The following TRIO variants were observed in gnomAD, a reference collection of about 807,000 sequenced individuals.
TRIO encodes trio Rho guanine nucleotide exchange factor.
Under a neutral mutation model 351.9 loss-of-function variants are expected in TRIO, and 58 were observed. That is an observed-to-expected ratio of 0.16 (90% confidence interval 0.13 to 0.21). The LOEUF is 0.21. Ranked by LOEUF, TRIO falls within the 10% of genes least tolerant of loss-of-function variation. The pLI is 1.00. For synonymous variants in TRIO, 1,758 were observed against 1,595.7 expected, an observed-to-expected ratio of 1.10 and a Z score of -2.42; for missense variants, 3,201 against 4,027.8, an observed-to-expected ratio of 0.79 and a Z score of 5.56.
intron 1 of TRIO, among the ~76,000 whole-genome samples, chr5:14,193,405 A>ATTTTATCTC (rs1487184441): frequency 6.6e-6 from 1 of 152,230 alleles, no homozygotes; most frequent in African/African-American, 2.4e-5. Context: ...TCTCCTTGTA[A>ATTTTATCTC]CTAATAAATT....
chr5:14,329,462 G>T (rs1011043687), intron 9 of TRIO, among the ~76,000 whole-genome samples: 36 of 152,320 alleles, frequency 2.4e-4, no homozygotes, highest in Non-Finnish European at 3.5e-4. Context: ...CACATAGAAG[G>T]CACCTTCAAC....
intron 34 of TRIO, chr5:14,420,267 C>A (rs1750010524): frequency 3.8e-6 from 2 of 529,630 alleles, no homozygotes; most frequent in Admixed American, 3.4e-5. Context: ...TGAGATATGA[C>A]ATCAGTTTAG....
chr5:14,208,752 G>C (rs1360634335), intron 1 of TRIO, among the ~76,000 whole-genome samples: 1 of 152,206 alleles, frequency 6.6e-6, no homozygotes, highest in African/African-American at 2.4e-5. Context: ...ATCAGACCTT[G>C]TTCAAATAAG....
chr5:14,232,542 C>T (rs1175025150), intron 1 of TRIO, among the ~76,000 whole-genome samples: 1 of 152,172 alleles, frequency 6.6e-6, no homozygotes, highest in Non-Finnish European at 1.5e-5. Flanking sequence ...AATTGTCTGG[C>T]ATCATTGCTG....
chr5:14,283,102 A>G (rs368954200), intron 3 of TRIO, among the ~76,000 whole-genome samples: 4 of 152,304 alleles, frequency 2.6e-5, no homozygotes, highest in East Asian at 1.9e-4. Context: ...GATTTCACCA[A>G]TCTGTAAAAA....
At chr5:14,406,267 C>T in intron 32 of TRIO, 2 of 565,724 alleles carry the variant, frequency 3.5e-6, no homozygotes. Flanking sequence ...CTAACTCATG[C>T]ACATGACCTT....
rs76253382 is a variant in TRIO at position 14,290,879 on chromosome 5, A to G, written c.704A>G (p.Glu235Gly). 3.5e-5 allele frequency: 56 copies of G among 1,613,774 alleles called. No individual in the cohort carries two copies. The highest frequency in any genetic ancestry group is 4.3e-5 in the Non-Finnish European group (51 of 1,180,016). The change falls in exon 5 of 57, where the codon GAG (glutamate) becomes GGG (glycine). Residue 235 changes from glutamate to glycine, a missense_variant. Glu to Gly is a moderately conservative substitution (Grantham distance 98). This residue lies in a region of TRIO where 349 missense variants were observed against 449.3 expected (regional missense o/e 0.78). Transcript: ENST00000344204. ...GCCACCCACATGCTGTCTCGGCTGG[A>G]GGAACTTCAGGACATCCTAGCTAAG... ...SNATHMLSRL[E>G]ELQDILAKKE...
Position 14,327,784 on chromosome 5 carries a change from T to C in TRIO, c.1732-2994T>C, listed in dbSNP as rs533990931. Among the ~76,000 whole-genome samples the C allele has an allele frequency of 3.9e-5, 6 of 152,380 alleles. No homozygotes were observed. The South Asian group carries it at 1.2e-3, about 32-fold the overall frequency. ...TCAAGCTAGAAATATTTGATACTTC[T>C]CTTTTGCATGGTTTGGCCTCATGCC... is the stretch of plus-strand genomic sequence containing the variant. On this transcript the variant is annotated intron_variant, in intron 9 of 56. Transcript: ENST00000344204.
intron 46 of TRIO, among the ~76,000 whole-genome samples, chr5:14,483,315 C>T (rs184613454): frequency 6.6e-6 from 1 of 152,146 alleles, no homozygotes; most frequent in Non-Finnish European, 1.5e-5. Flanking sequence ...AGGGACAAAC[C>T]AAGGGTGAGG....
At chr5:14,209,339 CG>C (rs1791737850) in intron 1 of TRIO, among the ~76,000 whole-genome samples, 1 of 152,170 alleles carries the variant, frequency 6.6e-6, no homozygotes, top group South Asian at 2.1e-4. Context: ...CATATTGGAA[CG>C]TTTTAGACAT....
chr5:14,280,286 T>C, intron 2 of TRIO, 36 bp from the exon 3 acceptor site: 1 of 1,573,688 alleles, frequency 6.4e-7, no homozygotes. Flanking sequence ...CTGTCTTATC[T>C]TGTGTCTAAG....
Position 14,381,169 on chromosome 5 carries a change from T to G in TRIO, c.3487T>G (p.Ser1163Ala). 6.2e-7 allele frequency: 1 copy of G among 1,614,130 alleles called. No homozygotes were observed. Among genetic ancestry groups the G allele is most frequent in the South Asian group, 1.1e-5 (1 of 91,072 alleles). ...CCATGACAATGGCGAGTTCTACCTT[T>G]CCACACACACCTCCACGGGCTCCAG... The part of the protein sequence containing the change: ...WIHDNGEFYL[S>A]THTSTGSSIQ... The change falls in exon 21 of 57, where the codon TCC becomes GCC. Residue 1163 changes from serine to alanine, a missense_variant. Ser to Ala is a moderately conservative substitution (Grantham distance 99). Around this residue, in one of 19 missense-constraint regions of TRIO, gnomAD observed 201 missense variants for 266.5 expected, o/e 0.75. Transcript: ENST00000344204.
At chr5:14,356,995 T>C (rs1396283916) in intron 11 of TRIO, among the ~76,000 whole-genome samples, 1 of 152,196 alleles carries the variant, frequency 6.6e-6, no homozygotes, top group East Asian at 1.9e-4. Flanking sequence ...CAGCCAGCTT[T>C]GAGGTGAGGG....
chr5:14,303,108 G>A (rs183129), intron 7 of TRIO, among the ~76,000 whole-genome samples: 1 of 139,708 alleles, frequency 7.2e-6, no homozygotes, highest in Non-Finnish European at 1.5e-5. Flanking sequence ...GATGGCTGCC[G>A]CAGGACCGTT....
intron 1 of TRIO, among the ~76,000 whole-genome samples, chr5:14,250,861 G>A (rs548556174): frequency 5.9e-5 from 9 of 152,234 alleles, no homozygotes; most frequent in African/African-American, 2.2e-4. Flanking sequence ...CACTTTACAC[G>A]CATTTTCTCA....
At chr5:14,182,350 T>G (rs1241756566) in intron 1 of TRIO, among the ~76,000 whole-genome samples, 2 of 152,250 alleles carry the variant, frequency 1.3e-5, no homozygotes, top group East Asian at 3.8e-4. Flanking sequence ...ATCTTAATGT[T>G]AGTCTTTGGC....
chr5:14,487,673 C>G lies in TRIO; in HGVS notation c.7045C>G (p.Pro2349Ala), dbSNP rs758358609. 1.4e-6 allele frequency: 2 copies of G among 1,390,912 alleles called. No homozygotes were observed. Among genetic ancestry groups the G allele is most frequent in the Non-Finnish European group, 1.9e-6 (2 of 1,060,460 alleles). 86.2% of individuals were successfully genotyped at this position (1,390,912 alleles called of 1,614,324 possible). ...GATCCCCCAGCCTGTCCGACACCAC[C>G]CCCCCGTGCTGGTCTCCTCTGCAGC... Reference protein sequence around the residue: ...SRIPQPVRHHPPVLVSSAASS... With the variant: ...SRIPQPVRHHAPVLVSSAASS... The change falls in exon 48 of 57, where the codon CCC becomes GCC. Residue 2349 changes from proline to alanine, a missense_variant. Around this residue, in one of 19 missense-constraint regions of TRIO, gnomAD observed 1,089 missense variants for 954.9 expected, o/e 1.14. Coordinates refer to ENST00000344204, the MANE Select transcript of TRIO (RefSeq NM_007118.4).
At chr5:14,489,192 CT>C in intron 48 of TRIO, 1 of 584,948 alleles carries the variant, frequency 1.7e-6, no homozygotes, top group Non-Finnish European at 3.0e-6. Flanking sequence ...TTTTGCATGT[CT>C]TTCTCTTTCC....
rs773760957 is a variant in TRIO, at chr5:14,461,321, T to G, written c.5496+10T>G. The G allele has an allele frequency of 6.5e-7, 1 of 1,544,130 alleles. No homozygotes were observed. Among genetic ancestry groups the G allele is most frequent in the South Asian group, 1.2e-5 (1 of 80,740 alleles). The stretch of plus-strand genomic sequence containing the variant: ...CGAGACGGTCGAGGAGGTGAGGCTC[T>G]GCCCGCTGGTTGGGGCCGGCGTGGC... On this transcript the variant is annotated intron_variant, in intron 35 of 56. Coordinates refer to ENST00000344204, the MANE Select transcript of TRIO (RefSeq NM_007118.4).
Sources: gnomAD v4.1 joint callset for allele counts (sites outside exome capture counted in the v4.1 genomes callset) on GRCh38, gnomAD v4.1.1 for gene constraint, gnomAD v4.1.1 regional missense constraint, MANE v1.5 for transcripts, NCBI Gene and HGNC (gene_info 2026-07-23, HGNC 2026-07-21) for gene names.